CCDC3: variants seen among roughly 807,000 people sequenced by gnomAD.
CCDC3 encodes the protein coiled-coil domain containing 3, also known as coiled-coil domain-containing protein 3.
A neutral mutation model predicts 21.4 loss-of-function variants in CCDC3; 24 were observed. That is an observed-to-expected ratio of 1.12 (90% confidence interval 0.81 to 1.58). The LOEUF (loss-of-function observed/expected upper bound fraction) is 1.58, where lower values mean the gene tolerates loss of function less well. Ranked by LOEUF, CCDC3 falls within the 40% of genes most tolerant of loss-of-function variation. CCDC3 has a pLI of 0.00. For missense variants in CCDC3, 425 were observed against 360.9 expected (o/e 1.18, Z -1.44); for synonymous variants, 186 against 166.0 (o/e 1.12, Z -0.93).
chr10:12,914,889 TTA>T (rs1834326740), intron 2 of CCDC3, among the ~76,000 whole-genome samples: 1 of 152,194 alleles, frequency 6.6e-6, no homozygotes, highest in African/African-American at 2.4e-5. Context: ...AACTTTGGGC[TTA>T]GTTTGTTCTT....
chr10:13,016,019 T>C lies in CCDC3; in HGVS notation c.-1-17507A>G, dbSNP rs534576050. Among the ~76,000 whole-genome samples the C allele has an allele frequency of 4.6e-4, 70 of 152,104 alleles. 2 individuals are homozygous for C. The highest frequency in any genetic ancestry group is 1.7e-3 in the African/African-American group (70 of 41,538). On this transcript the variant is annotated intron_variant, in intron 5 of 6. Transcript: ENST00000378839. ...TACCCTATATATCCTGATGTGAGTATTACACACTGCATGCCTATATCAAAA... is the reference window on the plus strand; with the variant it reads ...TACCCTATATATCCTGATGTGAGTACTACACACTGCATGCCTATATCAAAA...
chr10:12,999,479 G>A (rs1835813907), intron 1 of CCDC3, among the ~76,000 whole-genome samples: 2 of 152,174 alleles, frequency 1.3e-5, no homozygotes, highest in Non-Finnish European at 2.9e-5. Context: ...TCACCAGCAA[G>A]TCTCCGTTGC....
At chr10:13,089,676 A>C (rs913711482) in intron 3 of CCDC3, among the ~76,000 whole-genome samples, 1 of 151,982 alleles carries the variant, frequency 6.6e-6, no homozygotes, top group South Asian at 2.1e-4. Flanking sequence ...TTTTAAATTT[A>C]AATTTTAATT....
chr10:13,004,658 T>A (rs1835904950), upstream of CCDC3, among the ~76,000 whole-genome samples: 1 of 147,386 alleles, frequency 6.8e-6, no homozygotes, highest in African/African-American at 2.5e-5. Flanking sequence ...CATTAGGGGA[T>A]CCATGTTGGC....
At chr10:13,051,107 C>A (rs1352151814) in intron 4 of CCDC3, among the ~76,000 whole-genome samples, 1 of 152,134 alleles carries the variant, frequency 6.6e-6, no homozygotes, top group African/African-American at 2.4e-5. Context: ...GCAGATTAGA[C>A]AAAGCTCTAA....
intron 5 of CCDC3, among the ~76,000 whole-genome samples, chr10:13,015,422 C>T (rs1229032764): frequency 3.9e-5 from 6 of 152,014 alleles, no homozygotes; most frequent in African/African-American, 1.4e-4. Flanking sequence ...CATAGCACTA[C>T]CCTGGGTCTT....
intron 1 of CCDC3, among the ~76,000 whole-genome samples, chr10:12,999,725 A>C (rs950355610): frequency 6.6e-6 from 1 of 152,258 alleles, no homozygotes; most frequent in Non-Finnish European, 1.5e-5. Context: ...ACTGTATTTC[A>C]TGATAAAAAT....
At chr10:13,072,864 TTTC>T (rs1237848582) in intron 4 of CCDC3, among the ~76,000 whole-genome samples, 20,996 of 85,948 alleles carry the variant, frequency 0.24, 1,911 homozygotes, top group South Asian at 0.42. Flanking sequence ...TTTTCTTTTC[TTTC>T]TTTTTTTTTT....
At chr10:13,006,162 C>T (rs113128491), upstream of CCDC3, among the ~76,000 whole-genome samples, 1 of 152,348 alleles carries the variant, frequency 6.6e-6, no homozygotes, top group African/African-American at 2.4e-5. Flanking sequence ...ATCAACATCT[C>T]TGCAGAATAA....
chr10:13,044,084 T>C (rs1300717546), intron 5 of CCDC3, among the ~76,000 whole-genome samples: 13 of 152,240 alleles, frequency 8.5e-5, no homozygotes, highest in Non-Finnish European at 1.9e-4. Flanking sequence ...ATTGTAGTTT[T>C]GATTTGCATT....
chr10:12,900,005 A>C (rs1318760780), intron 2 of CCDC3, among the ~76,000 whole-genome samples: 1 of 152,210 alleles, frequency 6.6e-6, no homozygotes, highest in Non-Finnish European at 1.5e-5. Context: ...CTGTTCTTCT[A>C]ATAGTGAATA....
chr10:12,996,760 G>C (rs1835767762), intron 2 of CCDC3, among the ~76,000 whole-genome samples: 1 of 152,166 alleles, frequency 6.6e-6, no homozygotes, highest in African/African-American at 2.4e-5. Flanking sequence ...TTTGAAGCGG[G>C]TTTGAATCCT....
chr10:13,098,131 C>G (rs1314669197), intron 3 of CCDC3, among the ~76,000 whole-genome samples: 1 of 151,942 alleles, frequency 6.6e-6, no homozygotes, highest in African/African-American at 2.4e-5. Flanking sequence ...AGGGCACCCC[C>G]CACCCCGACC....
At chr10:12,933,330 A>T (rs1449992446) in intron 2 of CCDC3, among the ~76,000 whole-genome samples, 1 of 152,144 alleles carries the variant, frequency 6.6e-6, no homozygotes, top group Non-Finnish European at 1.5e-5. Context: ...TATTTAATAG[A>T]TTATAGGTCT....
chr10:13,022,226 A>G (rs1836155898), intron 5 of CCDC3, among the ~76,000 whole-genome samples: 1 of 152,068 alleles, frequency 6.6e-6, no homozygotes, highest in Non-Finnish European at 1.5e-5. Flanking sequence ...TGCAGAAGCT[A>G]TCTTCTCAAA....
chr10:13,094,839 G>A (rs531275035), intron 3 of CCDC3, among the ~76,000 whole-genome samples: 2 of 152,174 alleles, frequency 1.3e-5, no homozygotes, highest in African/African-American at 4.8e-5. Flanking sequence ...ACTCCAGCCT[G>A]GGTGACAGAG....
At chr10:12,933,041 A>G (rs1834674701) in intron 2 of CCDC3, among the ~76,000 whole-genome samples, 1 of 152,016 alleles carries the variant, frequency 6.6e-6, no homozygotes, top group African/African-American at 2.4e-5. Flanking sequence ...CTTTTTATAT[A>G]CTGTTGGATT....
At chr10:12,943,287 C>T (rs1013539999) in intron 2 of CCDC3, among the ~76,000 whole-genome samples, 6 of 152,062 alleles carry the variant, frequency 3.9e-5, no homozygotes, top group Admixed American at 1.3e-4. Flanking sequence ...CCCCCGCAAA[C>T]GACTACATGG....
chr10:12,946,100 G>T (rs570799015), intron 2 of CCDC3, among the ~76,000 whole-genome samples: 3 of 152,030 alleles, frequency 2.0e-5, no homozygotes, highest in Non-Finnish European at 4.4e-5. Flanking sequence ...TCTTAAATGC[G>T]GCCACCCATT....
Sources: allele counts gnomAD v4.1 joint callset (sites outside exome capture counted in the v4.1 genomes callset), GRCh38; gene constraint gnomAD v4.1.1; transcripts MANE v1.5; gene names NCBI Gene and HGNC (gene_info 2026-07-23, HGNC 2026-07-21).